Variants in ASB10 observed in about 807,000 individuals in gnomAD.
ASB10 encodes ankyrin repeat and SOCS box protein 10.
ASB10 carries 44 observed loss-of-function variants against 35.4 expected under a neutral mutation model. The ratio of observed to expected loss-of-function variants is 1.24; its 90% CI spans 0.98 to 1.60. ASB10 has a LOEUF of 1.60. ASB10 is among the 40% of genes most tolerant of loss of function. The probability of loss-of-function intolerance (pLI) is 0.00; values close to 1 mark genes in which losing one functional copy is unlikely to be tolerated. For missense variants in ASB10, 647 were observed against 634.3 expected, an observed-to-expected ratio of 1.02 and a Z score of -0.22; for synonymous variants, 294 against 280.4, an observed-to-expected ratio of 1.05 and a Z score of -0.49.
Position 151,180,945 on chromosome 7 carries a change from G to T in ASB10, c.1098C>A (p.Leu366=), listed in dbSNP as rs1801472950. The T allele has an allele frequency of 6.5e-7, 1 of 1,531,662 alleles. No homozygotes were observed. The highest frequency in any genetic ancestry group is 2.3e-5 in the East Asian group (1 of 43,170). The allele number at this position is 1,531,662 out of a possible 1,614,324, so 94.9% of individuals were successfully genotyped here. A position where few individuals can be genotyped will look rare whatever the true frequency, so the allele number is the denominator to read the frequency against. ...HGAVRVWPGA[L]PKVLERWSTC... Reference sequence around the variant, plus strand: ...CTGCCTGCAGCCCCCATACCTTGGGGAGGGCCCCTGGCCAGACACGGACGG... The same window carrying T: ...CTGCCTGCAGCCCCCATACCTTGGGTAGGGCCCCTGGCCAGACACGGACGG... The change falls in exon 3 of 6, where the codon CTC becomes CTA. Residue 366 remains leucine, a synonymous_variant. Transcript: ENST00000420175.
At position 151,176,645 on chromosome 7, in the gene ASB10, G is replaced by A; in HGVS notation, c.1136C>T (p.Thr379Ile). ...VLERWSTCPRTIEVLMNTYSV... is the reference protein window; with the variant it reads ...VLERWSTCPRIIEVLMNTYSV... The stretch of plus-strand genomic sequence containing the variant: ...GTAGGTGTTCATCAGGACCTCGATG[G>A]TCCGAGGGCACGTGCTCCAGCGCTC... The change falls in exon 4 of 6, where the codon ACC becomes ATC. Residue 379 changes from threonine (T) to isoleucine (I), a missense_variant. Coordinates refer to ENST00000420175, the MANE Select transcript of ASB10 (RefSeq NM_001142459.2). The A allele has an allele frequency of 6.4e-7, 1 of 1,551,424 alleles. No homozygotes were observed. The highest frequency in any genetic ancestry group is 8.7e-7 in the Non-Finnish European group (1 of 1,146,926).
chr7:151,180,083 G>A (rs1801457052), intron 3 of ASB10, among the ~76,000 whole-genome samples: 1 of 152,188 alleles, frequency 6.6e-6, no homozygotes, highest in Non-Finnish European at 1.5e-5. Context: ...AACACTCTGG[G>A]CTGAGCCAGA....
intron 2 of ASB10, among the ~76,000 whole-genome samples, 189 bp downstream of exon 2, chr7:151,186,203 A>C (rs953812729): frequency 2.0e-5 from 3 of 152,170 alleles, no homozygotes; most frequent in African/African-American, 7.2e-5. Context: ...AAACTGTCCA[A>C]AGTCCAGGCC....
chr7:151,185,082 C>T (rs1458285008), intron 2 of ASB10, among the ~76,000 whole-genome samples: 1 of 151,366 alleles, frequency 6.6e-6, no homozygotes, highest in Non-Finnish European at 1.5e-5. Flanking sequence ...TATTTTACCA[C>T]CATTTTGAAA....
At chr7:151,178,167 T>A (rs138324738) in intron 3 of ASB10, among the ~76,000 whole-genome samples, 2 of 152,162 alleles carry the variant, frequency 1.3e-5, no homozygotes, top group African/African-American at 4.8e-5. Context: ...GAGAATCTCT[T>A]GAGCCTGGGA....
At position 151,181,352 on chromosome 7, in the gene ASB10, C is replaced by T; in HGVS notation, c.691G>A (p.Ala231Thr). The T allele has an allele frequency of 6.2e-7, 1 of 1,613,212 alleles. No individual in the cohort carries two copies. The part of the protein sequence containing the change: ...VAARLGHVEL[A>T]DLLLRRGACP... ...GCCCCCCGTCTTAGAAGCAGATCTG[C>T]CAGCTCCACATGGCCAAGCCGGGCG... The change falls in exon 3 of 6, where the codon GCA (alanine) becomes ACA (threonine). Residue 231 changes from alanine to threonine, a missense_variant. By Grantham distance (58) the Ala-to-Thr change is moderately conservative (BLOSUM62 0). Transcript: ENST00000420175.
intron 2 of ASB10, among the ~76,000 whole-genome samples, chr7:151,183,405 C>G (rs927429169): frequency 1.3e-5 from 2 of 152,088 alleles, no homozygotes; most frequent in Admixed American, 1.3e-4. Context: ...GACCCTATCT[C>G]TCTCTCTTTT....
At chr7:151,187,409 A>G (rs930869119), upstream of ASB10, 5 of 1,550,392 alleles carry the variant, frequency 3.2e-6, no homozygotes, top group Non-Finnish European at 4.4e-6. The surrounding 1 kb of genome is among the most constrained non-coding windows in gnomAD (Gnocchi z 5.3). Flanking sequence ...CGAGGCAGTC[A>G]GCCCAGCCCC....
intron 3 of ASB10, 117 bp from the exon 4 acceptor site, chr7:151,176,793 C>T (rs895673703): frequency 1.6e-5 from 11 of 685,360 alleles, no homozygotes; most frequent in Non-Finnish European, 2.5e-5. Context: ...AAGACCTATC[C>T]CCCTGTACCT....
At chr7:151,187,788 G>A, upstream of ASB10, 3 of 1,438,908 alleles carry the variant, frequency 2.1e-6, no homozygotes, top group Non-Finnish European at 2.8e-6. This position sits in a 1 kb window ranked among gnomAD's most constrained non-coding sequence, Gnocchi z 5.3. Flanking sequence ...TGGGCAGGTG[G>A]GTGCTGGGCC....
rs1801380816 is a variant in ASB10, at chr7:151,176,105, G to C, written c.*7C>G. The C allele has an allele frequency of 6.2e-7, 1 of 1,610,278 alleles. No individual in the cohort carries two copies. Among genetic ancestry groups the C allele is most frequent in the Non-Finnish European group, 8.5e-7 (1 of 1,179,394 alleles). ...AGCTGTGACTGCTCACAGATCCCGG[G>C]GCTCACCTAGTAGAGCACGCCCTCA... On this transcript the variant is annotated splice_region_variant and intron_variant, in intron 5 of 5. Transcript: ENST00000420175.
upstream of ASB10, chr7:151,187,711 T>C (rs561981204): frequency 6.8e-7 from 1 of 1,470,490 alleles, no homozygotes; most frequent in East Asian, 2.5e-5. This position sits in a 1 kb window ranked among gnomAD's most constrained non-coding sequence, Gnocchi z 5.3. Flanking sequence ...AGGAGTTCTT[T>C]CCCCAGGGCA....
chr7:151,187,482 C>T (rs745928628), upstream of ASB10: 62 of 1,551,306 alleles, frequency 4.0e-5, no homozygotes, highest in Non-Finnish European at 4.9e-5. The surrounding 1 kb of genome is among the most constrained non-coding windows in gnomAD (Gnocchi z 5.3). Flanking sequence ...CGAGGCTCTG[C>T]GGCCCGGCTC....
intron 3 of ASB10, 35 bp downstream of exon 3, chr7:151,180,904 C>A: frequency 6.9e-7 from 1 of 1,455,298 alleles, no homozygotes; most frequent in South Asian, 1.4e-5. Flanking sequence ...GTCCCCTCAC[C>A]ATGGTGGCCC....
In ASB10 at chr7:151,180,951, C is replaced by T. The variant is rs151344614; in HGVS notation, c.1092G>A (p.Gly364=). ...LNHGAVRVWP[G]ALPKVLERWS... ...GCAGCCCCCATACCTTGGGGAGGGC[C>T]CCTGGCCAGACACGGACGGCGCCAT... The change falls in exon 3 of 6, where the codon GGG becomes GGA. Residue 364 remains glycine, a synonymous_variant. Transcript: ENST00000420175. The T allele has an allele frequency of 6.5e-7, 1 of 1,543,872 alleles. No homozygotes were observed. Among genetic ancestry groups the T allele is most frequent in the Non-Finnish European group, 8.8e-7 (1 of 1,140,882 alleles).
Position 151,185,112 on chromosome 7 carries a change from C to CTTT in ASB10, c.584+1277_584+1279dup, listed in dbSNP as rs751001812. On this transcript the variant is annotated intron_variant, in intron 2 of 5. Transcript: ENST00000420175. ...TTGAAAATTAATTTTACATATTTGT[C>CTTT]TTTTTTTTTTTTTTTTTGTGAGACA... is the stretch of plus-strand genomic sequence containing the variant. Among the ~76,000 whole-genome samples the CTTT allele has an allele frequency of 1.5e-3, 192 of 127,994 alleles. 4 individuals carry two copies. Among genetic ancestry groups the CTTT allele is most frequent in the East Asian group, 6.0e-3 (26 of 4,320 alleles). The allele number at this position is 127,994 out of a possible 152,430, so 84.0% of individuals were successfully genotyped here.
At chr7:151,180,730 G>GCA in intron 3 of ASB10, among the ~76,000 whole-genome samples, 1 of 151,946 alleles carries the variant, frequency 6.6e-6, no homozygotes, top group East Asian at 1.9e-4. Context: ...GTATACACAT[G>GCA]CACACACACA....
At chr7:151,180,869 C>T (rs1801470853) in intron 3 of ASB10, 70 bp downstream of exon 3, 4 of 1,426,714 alleles carry the variant, frequency 2.8e-6, no homozygotes, top group Admixed American at 2.9e-5. Context: ...CCAAAGCAAA[C>T]CGGAGCACAG....
Position 151,186,530 on chromosome 7 carries a change from CG to C in ASB10, c.445del (p.Arg149AlafsTer87). The C allele has an allele frequency of 6.2e-7, 1 of 1,602,810 alleles. No homozygotes were observed. Among genetic ancestry groups the C allele is most frequent in the Non-Finnish European group, 8.5e-7 (1 of 1,175,314 alleles). On this transcript the variant is annotated frameshift_variant, in exon 2 of 6. Coordinates refer to ENST00000420175, the MANE Select transcript of ASB10 (RefSeq NM_001142459.2). LOFTEE classifies it high-confidence loss of function. Reference protein sequence around the residue: ...RARPDSAPGGRTALHEACAAG... With the variant: ...RARPDSAPGGXTALHEACAAG... Reference sequence around the variant, plus strand: ...AGCACAGGCCTCGTGCAGGGCGGTGCGGCCCCCAGGGGCACTGTCTGGCCTT... The same window carrying C: ...AGCACAGGCCTCGTGCAGGGCGGTGCGCCCCCAGGGGCACTGTCTGGCCTT...
Sources: allele counts gnomAD v4.1 joint callset (sites outside exome capture counted in the v4.1 genomes callset), GRCh38; gene constraint gnomAD v4.1.1; non-coding constraint Gnocchi (gnomAD v3.1); transcripts MANE v1.5; gene names NCBI Gene and HGNC (gene_info 2026-07-23, HGNC 2026-07-21).